Variants in TMEM135 observed in about 807,000 individuals in gnomAD.
The protein encoded by TMEM135 is transmembrane protein 135.
In TMEM135, 30 loss-of-function variants were observed where a neutral mutation model predicts 60.3. That is an observed-to-expected ratio of 0.50 (90% CI 0.37 to 0.68). The LOEUF (loss-of-function observed/expected upper bound fraction) is 0.68. Ranked by LOEUF, TMEM135 falls within the 30% of genes least tolerant of loss-of-function variation. The pLI, the probability that TMEM135 is intolerant of heterozygous loss-of-function variation, is 0.00. For synonymous variants in TMEM135, 190 were observed against 186.7 expected (o/e 1.02, Z -0.14); for missense variants, 468 against 548.8 (o/e 0.85, Z 1.47).
At chr11:87,276,900 G>C (rs935616928) in intron 6 of TMEM135, among the ~76,000 whole-genome samples, 11 of 151,700 alleles carry the variant, frequency 7.3e-5, no homozygotes, top group African/African-American at 2.7e-4. Context: ...TTGAACTCTT[G>C]ACCTCAGTTG....
intron 4 of TMEM135, among the ~76,000 whole-genome samples, chr11:87,146,720 C>G (rs1208434084): frequency 2.6e-5 from 4 of 152,182 alleles, no homozygotes; most frequent in Admixed American, 6.5e-5. Context: ...TTTACGCCAT[C>G]TAACTCTTTA....
intron 5 of TMEM135, among the ~76,000 whole-genome samples, chr11:87,166,348 C>A (rs1044368424): frequency 6.6e-6 from 1 of 151,676 alleles, no homozygotes; most frequent in Non-Finnish European, 1.5e-5. Flanking sequence ...GTTGCCATTG[C>A]TTTTGGTGGT....
chr11:87,069,068 C>T (rs1048655791), intron 2 of TMEM135, among the ~76,000 whole-genome samples: 12 of 75,748 alleles, frequency 1.6e-4, no homozygotes, highest in East Asian at 5.9e-4. Context: ...CTTTGGATCA[C>T]GAGATCAGGA....
chr11:87,139,798 A>G (rs1344892386), intron 4 of TMEM135, among the ~76,000 whole-genome samples: 1 of 152,164 alleles, frequency 6.6e-6, no homozygotes, highest in Non-Finnish European at 1.5e-5. Flanking sequence ...CAGACTAATA[A>G]TATTGAACAT....
chr11:87,250,639 T>C (rs1431626411), intron 6 of TMEM135, among the ~76,000 whole-genome samples: 2 of 152,164 alleles, frequency 1.3e-5, no homozygotes, highest in Non-Finnish European at 2.9e-5. Context: ...AGAGACTTGA[T>C]ATGATTTCAA....
intron 4 of TMEM135, among the ~76,000 whole-genome samples, chr11:87,099,702 T>TTTTTTG (rs1591018483): frequency 8.2e-6 from 1 of 121,850 alleles, no homozygotes. Context: ...TTTTTTTTTT[T>TTTTTTG]GAGGCAGAGT....
chr11:87,275,808 C>T (rs1040811182), intron 6 of TMEM135, among the ~76,000 whole-genome samples: 2 of 152,038 alleles, frequency 1.3e-5, no homozygotes, highest in African/African-American at 4.8e-5. Flanking sequence ...TACAGGCTCC[C>T]ACCACCACGC....
intron 4 of TMEM135, among the ~76,000 whole-genome samples, chr11:87,150,281 G>C (rs1165538661): frequency 6.6e-6 from 1 of 151,106 alleles, no homozygotes; most frequent in East Asian, 1.9e-4. Context: ...GAAAACAGTA[G>C]TATTCTTTTC....
chr11:87,176,679 G>T (rs1006304531), intron 5 of TMEM135, among the ~76,000 whole-genome samples: 1 of 152,164 alleles, frequency 6.6e-6, no homozygotes, highest in Non-Finnish European at 1.5e-5. Context: ...GTAGGTTGAA[G>T]AGTTGAAGGA....
intron 5 of TMEM135, among the ~76,000 whole-genome samples, chr11:87,192,023 C>T (rs1939818269): frequency 1.6e-5 from 2 of 126,062 alleles, no homozygotes; most frequent in African/African-American, 6.1e-5. Context: ...GAGTCTTGCT[C>T]CAGGCTGGAG....
At chr11:87,115,330 C>T (rs946058107) in intron 4 of TMEM135, among the ~76,000 whole-genome samples, 1 of 152,086 alleles carries the variant, frequency 6.6e-6, no homozygotes, top group African/African-American at 2.4e-5. Context: ...TTTGTCTCTG[C>T]ATTGGAAATG....
intron 6 of TMEM135, among the ~76,000 whole-genome samples, chr11:87,264,732 T>C (rs2135404736): frequency 6.6e-6 from 1 of 152,044 alleles, no homozygotes; most frequent in South Asian, 2.1e-4. Flanking sequence ...TCCAGATCTA[T>C]GGTAGGTTAA....
intron 5 of TMEM135, among the ~76,000 whole-genome samples, chr11:87,227,078 C>G (rs977630954): frequency 6.6e-6 from 1 of 151,816 alleles, no homozygotes; most frequent in African/African-American, 2.4e-5. Flanking sequence ...CAAAAAAACA[C>G]AATGGCCAAT....
intron 4 of TMEM135, among the ~76,000 whole-genome samples, chr11:87,133,948 A>G (rs1938013109): frequency 6.6e-6 from 1 of 152,010 alleles, no homozygotes; most frequent in Non-Finnish European, 1.5e-5. Context: ...GGTTGTTTCT[A>G]GGATTTGATG....
intron 6 of TMEM135, among the ~76,000 whole-genome samples, chr11:87,278,381 C>CT (rs5793246): frequency 0.4 from 57,346 of 144,904 alleles, 12,013 homozygotes; most frequent in Non-Finnish European, 0.48. Flanking sequence ...AATTTTCGTT[C>CT]TTTTTTTTTT....
At chr11:87,217,738 C>T (rs192346378) in intron 5 of TMEM135, among the ~76,000 whole-genome samples, 42 of 151,520 alleles carry the variant, frequency 2.8e-4, no homozygotes, top group African/African-American at 9.9e-4. Flanking sequence ...GAGTCGAGAT[C>T]GTGCCATTGC....
chr11:87,047,462 C>T (rs566148612), intron 1 of TMEM135, among the ~76,000 whole-genome samples: 2 of 151,230 alleles, frequency 1.3e-5, no homozygotes, highest in African/African-American at 2.4e-5. Flanking sequence ...TGTGCGCGCA[C>T]CGTGCGCGAG....
At chr11:87,072,184 A>T (rs78609598) in intron 3 of TMEM135, among the ~76,000 whole-genome samples, 6 of 152,102 alleles carry the variant, frequency 3.9e-5, no homozygotes, top group Non-Finnish European at 8.8e-5. Context: ...ACAGAGTGAG[A>T]CTCCTGTCTC....
At chr11:87,219,072 A>C (rs1940564305) in intron 5 of TMEM135, among the ~76,000 whole-genome samples, 1 of 151,690 alleles carries the variant, frequency 6.6e-6, no homozygotes, top group South Asian at 2.1e-4. Flanking sequence ...AAAATTATTT[A>C]AATAAAATTA....
Sources: gnomAD v4.1 joint callset for allele counts (sites outside exome capture counted in the v4.1 genomes callset) on GRCh38, gnomAD v4.1.1 for gene constraint, MANE v1.5 for transcripts, NCBI Gene and HGNC (gene_info 2026-07-23, HGNC 2026-07-21) for gene names.